CEP85L: variants seen among roughly 807,000 people sequenced by gnomAD.
CEP85L encodes centrosomal protein of 85 kDa-like.
CEP85L carries 60 observed loss-of-function variants against 100.3 expected under a neutral mutation model. The observed-to-expected ratio is 0.60, with a 90% confidence interval of 0.49 to 0.74. CEP85L has a LOEUF of 0.74. Among genes scored for constraint, CEP85L ranks in the 30% least tolerant of loss-of-function variants. The pLI is 0.00. For synonymous variants in CEP85L, 319 were observed against 322.7 expected, an observed-to-expected ratio of 0.99 and a Z score of 0.12; for missense variants, 973 against 936.2, an observed-to-expected ratio of 1.04 and a Z score of -0.51.
chr6:118,606,888 T>C (rs1013605156), intron 2 of CEP85L, among the ~76,000 whole-genome samples: 7 of 152,200 alleles, frequency 4.6e-5, no homozygotes, highest in Non-Finnish European at 8.8e-5. Flanking sequence ...ACACTGATTT[T>C]TTTTTTTAAC....
At chr6:118,567,267 A>ATG (rs1779605608) in intron 2 of CEP85L, among the ~76,000 whole-genome samples, 1 of 141,966 alleles carries the variant, frequency 7.0e-6, no homozygotes, top group East Asian at 2.1e-4. Flanking sequence ...ATATATATAT[A>ATG]TATATATATA....
intron 1 of CEP85L, among the ~76,000 whole-genome samples, chr6:118,690,778 C>T (rs1315124017): frequency 2.6e-5 from 4 of 152,056 alleles, no homozygotes; most frequent in South Asian, 2.1e-4. Context: ...GCAAGAGGAT[C>T]GCTTGAGCCC....
intron 10 of CEP85L, among the ~76,000 whole-genome samples, chr6:118,477,671 T>C (rs995370308): frequency 6.6e-6 from 1 of 152,096 alleles, no homozygotes; most frequent in African/African-American, 2.4e-5. Flanking sequence ...TCTCAACAGT[T>C]TGCAAGGACA....
chr6:118,606,252 AATGACCAAT>A (rs1772211778), intron 2 of CEP85L, among the ~76,000 whole-genome samples: 2 of 152,302 alleles, frequency 1.3e-5, no homozygotes, highest in Non-Finnish European at 2.9e-5. Context: ...AGCCTTCCCA[AATGACCAAT>A]ATTTCTAGCT....
In CEP85L at chr6:118,463,474, G is replaced by A. The variant is rs753268126; in HGVS notation, c.*1931C>T. 1 of 151,954 alleles carries A rather than the reference G, an allele frequency of 6.6e-6. No individual in the cohort carries two copies. Among genetic ancestry groups the A allele is most frequent in the African/African-American group, 2.4e-5 (1 of 41,410 alleles). The allele number at this position is 151,954 out of a possible 1,614,324, so 9.4% of individuals were successfully genotyped here. On this transcript the variant is annotated 3_prime_UTR_variant, in exon 13 of 13. Coordinates refer to ENST00000368491, the MANE Select transcript of CEP85L (RefSeq NM_001042475.3). ...CACTTGTGGCTGATCTATTTTAGAC[G>A]TTATTATCTGTTTTACCATAAAGGA...
intron 3 of CEP85L, among the ~76,000 whole-genome samples, chr6:118,552,604 T>C (rs1274493843): frequency 6.6e-6 from 1 of 152,018 alleles, no homozygotes; most frequent in Non-Finnish European, 1.5e-5. Flanking sequence ...GCCTAATGGC[T>C]TTTCTATTTC....
intron 1 of CEP85L, among the ~76,000 whole-genome samples, chr6:118,646,019 C>T (rs992964259): frequency 6.6e-6 from 1 of 152,102 alleles, no homozygotes; most frequent in Non-Finnish European, 1.5e-5. Context: ...GAATTCAACA[C>T]CAGCCTGGCC....
At chr6:118,696,766 T>G (rs1018947148) in intron 1 of CEP85L, among the ~76,000 whole-genome samples, 2 of 152,164 alleles carry the variant, frequency 1.3e-5, no homozygotes, top group Non-Finnish European at 2.9e-5. Context: ...TATAAACCAT[T>G]AAGAATTTAT....
chr6:118,672,590 A>G (rs1317224870), intron 1 of CEP85L, among the ~76,000 whole-genome samples: 1 of 152,084 alleles, frequency 6.6e-6, no homozygotes. Context: ...ACATGGTGAG[A>G]CTTCATTTCT....
At chr6:118,497,954 A>G (rs1775025148) in intron 5 of CEP85L, among the ~76,000 whole-genome samples, 1 of 152,228 alleles carries the variant, frequency 6.6e-6, no homozygotes, top group South Asian at 2.1e-4. Context: ...ATGCTTATGA[A>G]TAAGTGAAAT....
At chr6:118,491,616 A>C in intron 6 of CEP85L, 70 bp downstream of exon 6, 1 of 1,551,008 alleles carries the variant, frequency 6.4e-7, no homozygotes, top group Middle Eastern at 1.7e-4. Flanking sequence ...TGACAGGGTA[A>C]ATGACAGACA....
chr6:118,558,759 G>A (rs1779051899), intron 3 of CEP85L: 3 of 658,664 alleles, frequency 4.6e-6, no homozygotes, highest in East Asian at 2.8e-5. Flanking sequence ...GTGTAAAATT[G>A]TATTTTTTGT....
chr6:118,497,834 A>T (rs1775018372), intron 5 of CEP85L, among the ~76,000 whole-genome samples: 1 of 152,234 alleles, frequency 6.6e-6, no homozygotes, highest in South Asian at 2.1e-4. Context: ...GAAGGTAAAA[A>T]TTTTTAAAGC....
At chr6:118,525,350 A>C (rs1396608034) in intron 3 of CEP85L, among the ~76,000 whole-genome samples, 1 of 152,230 alleles carries the variant, frequency 6.6e-6, no homozygotes, top group Admixed American at 6.5e-5. Context: ...GTTTGACTGT[A>C]TTCCTTAAAA....
intron 3 of CEP85L, among the ~76,000 whole-genome samples, chr6:118,560,987 A>T (rs1313091261): frequency 6.6e-6 from 1 of 152,244 alleles, no homozygotes; most frequent in African/African-American, 2.4e-5. Flanking sequence ...AAACATGGTT[A>T]CTAAAAGAAT....
chr6:118,698,569 G>A lies in CEP85L; in HGVS notation c.-28+11467C>T, dbSNP rs138705429. 9.3e-5 allele frequency among the ~76,000 whole-genome samples: 14 copies of A among 150,966 alleles called. No homozygotes were observed. The East Asian group carries it at 2.3e-3, about 25-fold the overall frequency. ...AAAAAAAAGGATTGTCCAGATGAAC[G>A]CTGCAATCAATATCCCATAGTATGT... On this transcript the variant is annotated intron_variant, in intron 1 of 13. Transcript: ENST00000368488.
intron 3 of CEP85L, among the ~76,000 whole-genome samples, chr6:118,539,265 C>A (rs896901013): frequency 6.6e-6 from 1 of 152,134 alleles, no homozygotes; most frequent in Non-Finnish European, 1.5e-5. Flanking sequence ...CTTACTATAT[C>A]TTTTCTATAG....
At chr6:118,511,192 G>A in intron 5 of CEP85L, 106 bp downstream of exon 5, 2 of 737,152 alleles carry the variant, frequency 2.7e-6, no homozygotes, top group Non-Finnish European at 2.3e-6. Context: ...TAAATCATGT[G>A]AATACATTAT....
At chr6:118,543,513 CCCA>C (rs934330143) in intron 3 of CEP85L, among the ~76,000 whole-genome samples, 1 of 151,982 alleles carries the variant, frequency 6.6e-6, no homozygotes, top group African/African-American at 2.4e-5. Context: ...TAAAAAGTCC[CCCA>C]CCAACTTCAG....
Sources: gnomAD v4.1 joint callset for allele counts (sites outside exome capture counted in the v4.1 genomes callset) on GRCh38, gnomAD v4.1.1 for gene constraint, MANE v1.5 for transcripts, NCBI Gene and HGNC (gene_info 2026-07-23, HGNC 2026-07-21) for gene names.